The following C1QTNF3 variants were observed in gnomAD, a reference collection of about 807,000 sequenced individuals.
C1QTNF3 encodes C1q and TNF related 3.
Under a neutral mutation model 32.6 loss-of-function variants are expected in C1QTNF3, and 26 were observed. The observed-to-expected ratio is 0.80, with a 90% CI of 0.58 to 1.11. The LOEUF (loss-of-function observed/expected upper bound fraction) is 1.11, where lower values mean the gene tolerates loss of function less well. C1QTNF3 is among the 50% of genes least tolerant of loss of function. The pLI is 0.00. For missense variants in C1QTNF3, 362 were observed against 398.2 expected (o/e 0.91, Z 0.77); for synonymous variants, 155 against 146.0 (o/e 1.06, Z -0.44).
chr5:34,038,514 C>G (rs1754793957), intron 1 of C1QTNF3, among the ~76,000 whole-genome samples: 1 of 152,314 alleles, frequency 6.6e-6, no homozygotes, highest in Middle Eastern at 3.4e-3. Flanking sequence ...GCCTCCCAGT[C>G]TCTCTGATCT....
the C1QTNF3 span, among the ~76,000 whole-genome samples, chr5:34,174,183 G>C: frequency 6.6e-6 from 1 of 152,202 alleles, no homozygotes; most frequent in Non-Finnish European, 1.5e-5. Context: ...TCAGCCTCCT[G>C]AGTAACTGGG....
At chr5:34,174,813 C>A in the C1QTNF3 span, among the ~76,000 whole-genome samples, 1 of 152,170 alleles carries the variant, frequency 6.6e-6, no homozygotes, top group Non-Finnish European at 1.5e-5. Context: ...AATCTCGGCT[C>A]ACTGCAAGCT....
intron 4 of C1QTNF3, among the ~76,000 whole-genome samples, chr5:34,026,094 G>A (rs1403532070): frequency 6.6e-6 from 1 of 152,176 alleles, no homozygotes; most frequent in African/African-American, 2.4e-5. Flanking sequence ...GAAATGAGTA[G>A]AATTGAAAAA....
chr5:34,035,560 G>C, intron 2 of C1QTNF3, 87 bp downstream of exon 2: 1 of 986,488 alleles, frequency 1.0e-6, no homozygotes, highest in Non-Finnish European at 1.6e-6. Flanking sequence ...TCACACAGAA[G>C]TGATCCCAAA....
At chr5:34,161,848 T>C in the C1QTNF3 span, among the ~76,000 whole-genome samples, 1 of 152,198 alleles carries the variant, frequency 6.6e-6, no homozygotes, top group African/African-American at 2.4e-5. Flanking sequence ...TATACATTAG[T>C]TGAATTGCTA....
At chr5:34,025,844 TAA>T (rs370354116) in intron 4 of C1QTNF3, among the ~76,000 whole-genome samples, 2 of 152,360 alleles carry the variant, frequency 1.3e-5, no homozygotes, top group African/African-American at 4.8e-5. Context: ...AGAATAGTTG[TAA>T]GAAAATTATG....
At chr5:34,051,426 A>G in the C1QTNF3 span, among the ~76,000 whole-genome samples, 1 of 152,194 alleles carries the variant, frequency 6.6e-6, no homozygotes, top group Non-Finnish European at 1.5e-5. Flanking sequence ...CAATATCATG[A>G]TTATCTTTGT....
the C1QTNF3 span, chr5:34,164,551 C>A: frequency 6.6e-6 from 1 of 151,156 alleles, no homozygotes; most frequent in Non-Finnish European, 1.5e-5. Context: ...TCCAAATTTG[C>A]AGGATAAAGT....
the C1QTNF3 span, among the ~76,000 whole-genome samples, chr5:34,107,803 G>A: frequency 6.6e-6 from 1 of 152,022 alleles, no homozygotes; most frequent in African/African-American, 2.4e-5. Context: ...TGTTACCACT[G>A]ACCAATTCTT....
the C1QTNF3 span, chr5:34,124,608 ACC>A: frequency 1.9e-6 from 1 of 539,132 alleles, no homozygotes; most frequent in Admixed American, 3.3e-5. Flanking sequence ...TGAGGGATCC[ACC>A]CCCATGATCC....
the C1QTNF3 span, among the ~76,000 whole-genome samples, chr5:34,085,681 T>C: frequency 5.9e-5 from 9 of 151,668 alleles, no homozygotes; most frequent in South Asian, 1.4e-3. Context: ...AACAAACATA[T>C]GAAAAAAAGC....
rs756430631 is a variant in C1QTNF3, at chr5:34,018,635, T to C, written c.*1948A>G. Among the ~76,000 whole-genome samples, 2 of 152,208 alleles carry C rather than the reference T, an allele frequency of 1.3e-5. No homozygotes were observed. Among genetic ancestry groups the C allele is most frequent in the Non-Finnish European group, 2.9e-5 (2 of 68,032 alleles). On this transcript the variant is annotated 3_prime_UTR_variant, in exon 6 of 6. Coordinates refer to ENST00000382065, the MANE Select transcript of C1QTNF3 (RefSeq NM_181435.6). ...CTGAATTATTTTTTTACATTTTAAT[T>C]TTGACTTCAGCTTTTATTCATGATA...
chr5:34,042,635 T>C (rs1754897061), intron 1 of C1QTNF3, among the ~76,000 whole-genome samples, 188 bp downstream of exon 1: 1 of 152,178 alleles, frequency 6.6e-6, no homozygotes, highest in South Asian at 2.1e-4. Flanking sequence ...GCTGATTTTC[T>C]AACAGAGACC....
the C1QTNF3 span, among the ~76,000 whole-genome samples, chr5:34,094,007 A>C: frequency 2.0e-5 from 3 of 152,164 alleles, no homozygotes; most frequent in Non-Finnish European, 4.4e-5. Flanking sequence ...GACCTAGCTG[A>C]GCTAAGGAGC....
the C1QTNF3 span, among the ~76,000 whole-genome samples, chr5:34,085,200 T>G: frequency 9.3e-5 from 14 of 150,300 alleles, no homozygotes; most frequent in Admixed American, 5.9e-4. Context: ...TTTCACCGTG[T>G]TGGCCAGGAT....
the C1QTNF3 span, among the ~76,000 whole-genome samples, chr5:34,087,658 G>A: frequency 2.8e-4 from 36 of 130,754 alleles, no homozygotes; most frequent in Admixed American, 8.5e-4. Context: ...AATCAGCCTT[G>A]ACCTCTCCAG....
chr5:34,045,913 A>G (rs915871546), upstream of C1QTNF3, among the ~76,000 whole-genome samples: 2 of 152,130 alleles, frequency 1.3e-5, no homozygotes, highest in Non-Finnish European at 2.9e-5. Context: ...AATCCCTAGT[A>G]CCTGCAAATA....
At chr5:34,044,360 C>T (rs185151204), upstream of C1QTNF3, among the ~76,000 whole-genome samples, 15 of 152,270 alleles carry the variant, frequency 9.9e-5, no homozygotes, top group East Asian at 2.9e-3. Context: ...CTCATGAAAA[C>T]TGGAGAGACC....
chr5:34,067,818 C>G, the C1QTNF3 span, among the ~76,000 whole-genome samples: 2 of 152,174 alleles, frequency 1.3e-5, no homozygotes, highest in East Asian at 3.8e-4. Flanking sequence ...GAGCTAAATA[C>G]ATTAAACTGT....
Sources: gnomAD v4.1 joint callset for allele counts (sites outside exome capture counted in the v4.1 genomes callset) on GRCh38, gnomAD v4.1.1 for gene constraint, MANE v1.5 for transcripts, NCBI Gene and HGNC (gene_info 2026-07-23, HGNC 2026-07-21) for gene names.